Variants in IRX3 observed in about 807,000 individuals in gnomAD.
The protein encoded by IRX3 is iroquois homeobox 3, also known as iroquois-class homeodomain protein IRX-3.
A neutral mutation model predicts 36.4 loss-of-function variants in IRX3; 20 were observed. The observed-to-expected ratio is 0.55, with a 90% confidence interval of 0.39 to 0.80. The LOEUF is 0.80. IRX3 is among the 30% of genes least tolerant of loss of function. The pLI is 0.00. For synonymous variants in IRX3, 404 were observed against 351.6 expected, an observed-to-expected ratio of 1.15 and a Z score of -1.67; for missense variants, 718 against 733.2, an observed-to-expected ratio of 0.98 and a Z score of 0.24.
chr16:54,285,128 G>A lies in IRX3; in HGVS notation c.753C>T (p.Asp251=). 1 of 1,612,628 alleles carries A rather than the reference G, an allele frequency of 6.2e-7. No homozygotes were observed. The highest frequency in any genetic ancestry group is 8.5e-7 in the Non-Finnish European group (1 of 1,179,546). ...CTAAGTTCTCCAAATCGATCTCCTC[G>A]TCCTCGTCGTCGTCAGCCAGGCCCT... ...GGEGLADDDE[D]EEIDLENLDG... Residue 251 remains aspartate, a synonymous_variant, in exon 2 of 4, where the codon GAC becomes GAT. Coordinates refer to ENST00000329734, the MANE Select transcript of IRX3 (RefSeq NM_024336.3). The surrounding 1 kb of genome is among the most constrained non-coding windows in gnomAD (Gnocchi z 5.7).
In IRX3 at chr16:54,283,717, G is replaced by A; in HGVS notation, c.1475C>T (p.Ala492Val). The A allele has an allele frequency of 2.0e-6, 3 of 1,499,420 alleles. No individual in the cohort carries two copies. The highest frequency in any genetic ancestry group is 2.8e-6 in the Non-Finnish European group (3 of 1,075,786). 92.9% of individuals were successfully genotyped at this position (1,499,420 alleles called of 1,614,324 possible). A position where few individuals can be genotyped will look rare whatever the true frequency, so the allele number is the denominator to read the frequency against. ...TGAGGAGAGAGCCGATAAGACCAGG[G>A]CGGCGTCCAGATGGTTCTGGGGCCT... ...PRRPQNHLDA[A>V]LVLSALSSS Residue 492 changes from alanine to valine, a missense_variant, in exon 4 of 4, where the codon GCC becomes GTC. By Grantham distance (64) the Ala-to-Val change is moderately conservative. Around this residue, in one of 3 missense-constraint regions of IRX3, gnomAD observed 468 missense variants for 462.1 expected, o/e 1.01. Transcript: ENST00000329734. This position sits in a 1 kb window ranked among gnomAD's most constrained non-coding sequence, Gnocchi z 4.4.
chr16:54,283,738 G>T lies in IRX3; in HGVS notation c.1454C>A (p.Pro485His), dbSNP rs749866248. ...CAGGGCGGCGTCCAGATGGTTCTGG[G>T]GCCTGGAAGAGAGAGACAGTAGTAG... ...KTAFQPVPRR[P>H]QNHLDAALVL... The change falls in exon 4 of 4, where the codon CCC (proline) becomes CAC (histidine). Residue 485 changes from proline to histidine, a missense_variant and splice_region_variant. Physicochemically the swap from Pro to His is moderately conservative, Grantham distance 77. Transcript: ENST00000329734. This position sits in a 1 kb window ranked among gnomAD's most constrained non-coding sequence, Gnocchi z 4.4. 1.3e-6 allele frequency: 2 copies of T among 1,594,462 alleles called. No individual in the cohort carries two copies. Among genetic ancestry groups the T allele is most frequent in the South Asian group, 2.2e-5 (2 of 90,670 alleles).
At position 54,284,157 on chromosome 16, in the gene IRX3, C is replaced by G. The variant is rs987917309; in HGVS notation, c.1451+89G>C. The G allele has an allele frequency of 1.5e-6, 2 of 1,357,254 alleles. No individual in the cohort carries two copies. The highest frequency in any genetic ancestry group is 2.1e-6 in the Non-Finnish European group (2 of 974,706). 84.1% of individuals were successfully genotyped at this position (1,357,254 alleles called of 1,614,324 possible). ...CGTCCCAGCAGGGTTCCCCCCTACCCCGGGGCAAAAGGCCGTGCGTGGTGC... is the reference window on the plus strand; with the variant it reads ...CGTCCCAGCAGGGTTCCCCCCTACCGCGGGGCAAAAGGCCGTGCGTGGTGC... On this transcript the variant is annotated intron_variant, in intron 3 of 3. Transcript: ENST00000329734. The surrounding 1 kb of genome is among the most constrained non-coding windows in gnomAD (Gnocchi z 4.0).
chr16:54,285,842 G>C lies in IRX3; in HGVS notation c.209C>G (p.Ala70Gly). The change falls in exon 1 of 4, where the codon GCC (alanine) becomes GGC (glycine). Residue 70 changes from alanine to glycine, a missense_variant. Physicochemically the swap from Ala to Gly is moderately conservative, Grantham distance 60. This residue lies in a region of IRX3 where 204 missense variants were observed against 181.4 expected (regional missense o/e 1.12). Transcript: ENST00000329734. This position sits in a 1 kb window ranked among gnomAD's most constrained non-coding sequence, Gnocchi z 5.7. ...GGGCAGGAAGGCGCCGTAGCCTTGG[G>C]CGGCGGCGGCCGCAGCGGCCGCGGC... The part of the protein sequence containing the change: ...PYAAAAAAAA[A>G]QGYGAFLPYA... 6.4e-7 allele frequency: 1 copy of C among 1,554,774 alleles called. No homozygotes were observed. The highest frequency in any genetic ancestry group is 8.7e-7 in the Non-Finnish European group (1 of 1,153,828).
chr16:54,283,502 G>A lies in IRX3; in HGVS notation c.*184C>T, dbSNP rs1901223267. 5.8e-6 allele frequency: 3 copies of A among 513,502 alleles called. No homozygotes were observed. Among genetic ancestry groups the A allele is most frequent in the South Asian group, 4.6e-5 (2 of 43,488 alleles). 31.8% of individuals were successfully genotyped at this position (513,502 alleles called of 1,614,324 possible). A position where few individuals can be genotyped will look rare whatever the true frequency, so the allele number is the denominator to read the frequency against. ...AGCGAATGCGGGGTGCCACAGAAGC[G>A]ACTTGGGGAGGGCTGAGGAGGACTG... On this transcript the variant is annotated 3_prime_UTR_variant, in exon 4 of 4. Transcript: ENST00000329734. This position sits in a 1 kb window ranked among gnomAD's most constrained non-coding sequence, Gnocchi z 4.4.
Position 54,285,867 on chromosome 16 carries a change from C to G in IRX3, c.184G>C (p.Ala62Pro), listed in dbSNP as rs1281110850. The G allele has an allele frequency of 1.9e-6, 3 of 1,541,496 alleles. No homozygotes were observed. Among genetic ancestry groups the G allele is most frequent in the Non-Finnish European group, 2.6e-6 (3 of 1,145,706 alleles). The change falls in exon 1 of 4, where the codon GCC becomes CCC. Residue 62 changes from alanine to proline, a missense_variant. Ala to Pro is a conservative substitution (Grantham distance 27, BLOSUM62 -1). Around this residue, in one of 3 missense-constraint regions of IRX3, gnomAD observed 204 missense variants for 181.4 expected, o/e 1.12. Transcript: ENST00000329734. The surrounding 1 kb of genome is among the most constrained non-coding windows in gnomAD (Gnocchi z 5.7). ...GCGGCGGCGGCCGCAGCGGCCGCGG[C>G]GTAGGGCGCCCCGTACACGGACGAG... The part of the protein sequence containing the change: ...VLSSVYGAPY[A>P]AAAAAAAAQG...
In IRX3 at chr16:54,284,423, C is replaced by A. The variant is rs1466718527; in HGVS notation, c.1384+74G>T. 2.8e-6 allele frequency: 4 copies of A among 1,420,788 alleles called. No homozygotes were observed. The African/African-American group carries it at 6.1e-5, about 21-fold the overall frequency. 88.0% of individuals were successfully genotyped at this position (1,420,788 alleles called of 1,614,324 possible). On this transcript the variant is annotated intron_variant, in intron 2 of 3. Transcript: ENST00000329734. This position sits in a 1 kb window ranked among gnomAD's most constrained non-coding sequence, Gnocchi z 4.0. ...GACGCGCGCCCTGCGCCCCCCGGGC[C>A]CTGCCCCTCCCGGCCAGCTCCGGCA...
In IRX3 at chr16:54,285,729, G is replaced by C. The variant is rs1253041013; in HGVS notation, c.267+55C>G. The C allele has an allele frequency of 3.4e-6, 5 of 1,471,374 alleles. No homozygotes were observed. In the Admixed American group the frequency reaches 1.3e-4, roughly 38 times the overall value. 91.1% of individuals were successfully genotyped at this position (1,471,374 alleles called of 1,614,324 possible). On this transcript the variant is annotated intron_variant, in intron 1 of 3. Transcript: ENST00000329734. The surrounding 1 kb of genome is among the most constrained non-coding windows in gnomAD (Gnocchi z 5.7). ...CTCTAGTCCGGCCCCCGCGCGCTCA[G>C]CTCGCCCTGCGCCCCAGCGCCAACC... is the stretch of plus-strand genomic sequence containing the variant.
In IRX3 at chr16:54,284,583, G is replaced by T; in HGVS notation, c.1298C>A (p.Pro433Gln). 1 of 1,400,420 alleles carries T rather than the reference G, an allele frequency of 7.1e-7. No homozygotes were observed. The highest frequency in any genetic ancestry group is 9.2e-7 in the Non-Finnish European group (1 of 1,090,354). The allele number at this position is 1,400,420 out of a possible 1,614,324, so 86.7% of individuals were successfully genotyped here. Residue 433 changes from proline to glutamine, a missense_variant, in exon 2 of 4, where the codon CCG becomes CAG. By Grantham distance (76) the Pro-to-Gln change is moderately conservative (BLOSUM62 -1). Coordinates refer to ENST00000329734, the MANE Select transcript of IRX3 (RefSeq NM_024336.3). The surrounding 1 kb of genome is among the most constrained non-coding windows in gnomAD (Gnocchi z 4.0). ...GGCTCCGGGAAGTCCCAGCAGGTGC[G>T]GAGGGGCAGAGCCCAGCAGGGAGAG... ...HPLSLLGSAP[P>Q]HLLGLPGAAG...
At position 54,284,019 on chromosome 16, in the gene IRX3, A is replaced by G. The variant is rs1296666667; in HGVS notation, c.1451+227T>C. 2.8e-6 allele frequency: 4 copies of G among 1,409,954 alleles called. No homozygotes were observed. In the African/African-American group the frequency reaches 4.3e-5, roughly 15 times the overall value. The allele number at this position is 1,409,954 out of a possible 1,614,324, so 87.3% of individuals were successfully genotyped here. A position where few individuals can be genotyped will look rare whatever the true frequency, so the allele number is the denominator to read the frequency against. On this transcript the variant is annotated intron_variant, in intron 3 of 3. Coordinates refer to ENST00000329734, the MANE Select transcript of IRX3 (RefSeq NM_024336.3). This position sits in a 1 kb window ranked among gnomAD's most constrained non-coding sequence, Gnocchi z 4.0. ...CCACGCAAGGCTTCCCCTAGAAGGT[A>G]CAAGCGCTGTACCCTCCGGCCGCGC...
Position 54,285,860 on chromosome 16 carries a change from G to A in IRX3, c.191C>T (p.Ala64Val), listed in dbSNP as rs200017055. Reference protein sequence around the residue: ...SSVYGAPYAAAAAAAAAQGYG... With the variant: ...SSVYGAPYAAVAAAAAAQGYG... Reference sequence around the variant, plus strand: ...GCCTTGGGCGGCGGCGGCCGCAGCGGCCGCGGCGTAGGGCGCCCCGTACAC... The same window carrying A: ...GCCTTGGGCGGCGGCGGCCGCAGCGACCGCGGCGTAGGGCGCCCCGTACAC... Residue 64 changes from alanine (A) to valine (V), a missense_variant, in exon 1 of 4, where the codon GCC (alanine) becomes GTC (valine). Physicochemically the swap from Ala to Val is moderately conservative, Grantham distance 64 (BLOSUM62 0). Around this residue, in one of 3 missense-constraint regions of IRX3, gnomAD observed 204 missense variants for 181.4 expected, o/e 1.12. Coordinates refer to ENST00000329734, the MANE Select transcript of IRX3 (RefSeq NM_024336.3). The surrounding 1 kb of genome is among the most constrained non-coding windows in gnomAD (Gnocchi z 5.7). 8.3e-4 allele frequency: 1,285 copies of A among 1,544,298 alleles called. 11 individuals carry two copies. Among genetic ancestry groups the A allele is most frequent in the Non-Finnish European group, 1.8e-4 (210 of 1,147,402 alleles).
Position 54,285,919 on chromosome 16 carries a change from G to T in IRX3, c.132C>A (p.Asn44Lys), listed in dbSNP as rs1284990935. ...GGLGAGASELNASGSLSNVLS... is the reference protein window; with the variant it reads ...GGLGAGASELKASGSLSNVLS... ...GCACGTTGGACAGGGACCCCGAGGC[G>T]TTCAGCTCCGAGGCTCCGGCACCCA... Residue 44 changes from asparagine (N) to lysine (K), a missense_variant, in exon 1 of 4, where the codon AAC becomes AAA. This residue lies in a region of IRX3 where 204 missense variants were observed against 181.4 expected (regional missense o/e 1.12). Transcript: ENST00000329734. This position sits in a 1 kb window ranked among gnomAD's most constrained non-coding sequence, Gnocchi z 5.7. 2 of 1,502,676 alleles carry T rather than the reference G, an allele frequency of 1.3e-6. No homozygotes were observed. The highest frequency in any genetic ancestry group is 2.9e-5 in the African/African-American group (2 of 68,558). 93.1% of individuals were successfully genotyped at this position (1,502,676 alleles called of 1,614,324 possible). A position where few individuals can be genotyped will look rare whatever the true frequency, so the allele number is the denominator to read the frequency against.
Position 54,284,425 on chromosome 16 carries a change from T to C in IRX3, c.1384+72A>G. 7 of 1,420,704 alleles carry C rather than the reference T, an allele frequency of 4.9e-6. No homozygotes were observed. The highest frequency in any genetic ancestry group is 6.4e-6 in the Non-Finnish European group (7 of 1,094,760). The allele number at this position is 1,420,704 out of a possible 1,614,324, so 88.0% of individuals were successfully genotyped here. A position where few individuals can be genotyped will look rare whatever the true frequency, so the allele number is the denominator to read the frequency against. On this transcript the variant is annotated intron_variant, in intron 2 of 3. Coordinates refer to ENST00000329734, the MANE Select transcript of IRX3 (RefSeq NM_024336.3). The surrounding 1 kb of genome is among the most constrained non-coding windows in gnomAD (Gnocchi z 4.0). ...CGCGCGCCCTGCGCCCCCCGGGCCC[T>C]GCCCCTCCCGGCCAGCTCCGGCACT...
In IRX3 at chr16:54,283,602, G is replaced by A; in HGVS notation, c.*84C>T. ...TTATACACGGACATGCTTACAAGTT[G>A]TAACTATACAGAGCGATTTTTTTTA... On this transcript the variant is annotated 3_prime_UTR_variant, in exon 4 of 4. Coordinates refer to ENST00000329734, the MANE Select transcript of IRX3 (RefSeq NM_024336.3). The surrounding 1 kb of genome is among the most constrained non-coding windows in gnomAD (Gnocchi z 4.4). 1.4e-6 allele frequency: 1 copy of A among 692,586 alleles called. No individual in the cohort carries two copies. Among genetic ancestry groups the A allele is most frequent in the East Asian group, 2.7e-5 (1 of 36,870 alleles). The allele number at this position is 692,586 out of a possible 1,614,324, so 42.9% of individuals were successfully genotyped here.
Position 54,283,990 on chromosome 16 carries a change from C to A in IRX3, c.1452-250G>T. 7.0e-7 allele frequency: 1 copy of A among 1,433,792 alleles called. No homozygotes were observed. Among genetic ancestry groups the A allele is most frequent in the Non-Finnish European group, 9.1e-7 (1 of 1,097,742 alleles). 88.8% of individuals were successfully genotyped at this position (1,433,792 alleles called of 1,614,324 possible). On this transcript the variant is annotated intron_variant, in intron 3 of 3. Coordinates refer to ENST00000329734, the MANE Select transcript of IRX3 (RefSeq NM_024336.3). This position sits in a 1 kb window ranked among gnomAD's most constrained non-coding sequence, Gnocchi z 4.4. ...CCACCCGCCCCAGGGGCCTGTGGGCCCAGCCACGCAAGGCTTCCCCTAGAA... is the reference window on the plus strand; with the variant it reads ...CCACCCGCCCCAGGGGCCTGTGGGCACAGCCACGCAAGGCTTCCCCTAGAA...
Position 54,283,700 on chromosome 16 carries a change from G to T in IRX3, c.1492C>A (p.Leu498Ile), listed in dbSNP as rs1901232600. ...HLDAALVLSA[L>I]SSS is the part of the protein sequence containing the mutation. ...TTTTTAAAGAACTAGGATGAGGAGA[G>T]AGCCGATAAGACCAGGGCGGCGTCC... The change falls in exon 4 of 4, where the codon CTC becomes ATC. Residue 498 changes from leucine (L) to isoleucine (I), a missense_variant. This residue lies in a region of IRX3 where 468 missense variants were observed against 462.1 expected (regional missense o/e 1.01). Coordinates refer to ENST00000329734, the MANE Select transcript of IRX3 (RefSeq NM_024336.3). This position sits in a 1 kb window ranked among gnomAD's most constrained non-coding sequence, Gnocchi z 4.4. 2 of 1,362,470 alleles carry T rather than the reference G, an allele frequency of 1.5e-6. No homozygotes were observed. Among genetic ancestry groups the T allele is most frequent in the Admixed American group, 1.7e-5 (1 of 59,618 alleles). The allele number at this position is 1,362,470 out of a possible 1,614,324, so 84.4% of individuals were successfully genotyped here. A position where few individuals can be genotyped will look rare whatever the true frequency, so the allele number is the denominator to read the frequency against.
rs1339342676 is a variant in IRX3 at position 54,284,795 on chromosome 16, C to G, written c.1086G>C (p.Pro362=). The G allele has an allele frequency of 6.8e-7, 1 of 1,469,338 alleles. No individual in the cohort carries two copies. The highest frequency in any genetic ancestry group is 8.9e-7 in the Non-Finnish European group (1 of 1,121,450). The allele number at this position is 1,469,338 out of a possible 1,614,324, so 91.0% of individuals were successfully genotyped here. Reference sequence around the variant, plus strand: ...CCCCCGCGCCGGGAGGCGAGCGGCGCGGGTTGTCCGGGCTTGTGGCAGTCT... The same window carrying G: ...CCCCCGCGCCGGGAGGCGAGCGGCGGGGGTTGTCCGGGCTTGTGGCAGTCT... The part of the protein sequence containing the change: ...LAETATSPDN[P]RRSPPGAGGS... Residue 362 remains proline, a synonymous_variant, in exon 2 of 4, where the codon CCG becomes CCC. Coordinates refer to ENST00000329734, the MANE Select transcript of IRX3 (RefSeq NM_024336.3). This position sits in a 1 kb window ranked among gnomAD's most constrained non-coding sequence, Gnocchi z 4.0.
rs151141618 is a variant in IRX3, at chr16:54,285,216, C to T, written c.665G>A (p.Gly222Asp). The T allele has an allele frequency of 5.6e-6, 9 of 1,606,718 alleles. No homozygotes were observed. Among genetic ancestry groups the T allele is most frequent in the Admixed American group, 1.7e-5 (1 of 58,502 alleles). ...CTCCTCCAGCTCTAGCTCGCGTTTG[C>T]CGTCCTCCTCGTCCTCCTCTTCGTC... ...EEDEEEDEEDGKRELELEEEE... is the reference protein window; with the variant it reads ...EEDEEEDEEDDKRELELEEEE... Residue 222 changes from glycine (G) to aspartate (D), a missense_variant, in exon 2 of 4, where the codon GGC becomes GAC. Gly to Asp is a moderately conservative substitution (Grantham distance 94). This residue lies in a region of IRX3 where 468 missense variants were observed against 462.1 expected (regional missense o/e 1.01). Coordinates refer to ENST00000329734, the MANE Select transcript of IRX3 (RefSeq NM_024336.3). The surrounding 1 kb of genome is among the most constrained non-coding windows in gnomAD (Gnocchi z 5.7).
In IRX3 at chr16:54,284,568, A is replaced by G. The variant is rs1901264430; in HGVS notation, c.1313T>C (p.Leu438Pro). ...AGCCGGGTGGCCCGCGGCTCCGGGA[A>G]GTCCCAGCAGGTGCGGAGGGGCAGA... The part of the protein sequence containing the change: ...LGSAPPHLLG[L>P]PGAAGHPAAA... Residue 438 changes from leucine (L) to proline (P), a missense_variant, in exon 2 of 4, where the codon CTT becomes CCT. Leu to Pro is a moderately conservative substitution (Grantham distance 98). Transcript: ENST00000329734. This position sits in a 1 kb window ranked among gnomAD's most constrained non-coding sequence, Gnocchi z 4.0. 2.8e-6 allele frequency: 4 copies of G among 1,410,836 alleles called. No individual in the cohort carries two copies. In the African/African-American group the frequency reaches 4.5e-5, roughly 16 times the overall value. The allele number at this position is 1,410,836 out of a possible 1,614,324, so 87.4% of individuals were successfully genotyped here. A position where few individuals can be genotyped will look rare whatever the true frequency, so the allele number is the denominator to read the frequency against.
Sources: gnomAD v4.1 joint callset for allele counts on GRCh38, gnomAD v4.1.1 for gene constraint, gnomAD v4.1.1 regional missense constraint, Gnocchi (gnomAD v3.1) non-coding constraint, MANE v1.5 for transcripts, NCBI Gene and HGNC (gene_info 2026-07-23, HGNC 2026-07-21) for gene names.